The following SP140 variants were observed in gnomAD, a reference collection of about 807,000 sequenced individuals.
SP140 encodes the protein SP140 nuclear body protein.
SP140 carries 81 observed loss-of-function variants against 125.0 expected under a neutral mutation model. The ratio of observed to expected loss-of-function variants is 0.65; its 90% CI spans 0.54 to 0.78. The LOEUF is 0.78. Ranked by LOEUF, SP140 falls within the 30% of genes least tolerant of loss-of-function variation. The pLI is 0.00. For missense variants in SP140, 858 were observed against 1,037.0 expected, an observed-to-expected ratio of 0.83 and a Z score of 2.37; for synonymous variants, 312 against 354.0, an observed-to-expected ratio of 0.88 and a Z score of 1.33.
At chr2:230,270,002 C>T (rs377296417) in intron 14 of SP140, 49 bp downstream of exon 14, 4 of 1,207,468 alleles carry the variant, frequency 3.3e-6, no homozygotes, top group Non-Finnish European at 3.7e-6. Context: ...GTGGGCCCCA[C>T]AGACCCCCAG....
intron 12 of SP140, among the ~76,000 whole-genome samples, chr2:230,261,294 A>C (rs981368593): frequency 6.6e-6 from 1 of 152,176 alleles, no homozygotes; most frequent in Non-Finnish European, 1.5e-5. Flanking sequence ...ATTTGTGTAC[A>C]TTAATCGTGT....
chr2:230,234,637 C>T (rs1360378477), intron 1 of SP140, among the ~76,000 whole-genome samples: 1 of 152,146 alleles, frequency 6.6e-6, no homozygotes, highest in Non-Finnish European at 1.5e-5. Context: ...TTTAGGGTTT[C>T]AAATTCACTT....
intron 12 of SP140, among the ~76,000 whole-genome samples, chr2:230,256,178 TA>T (rs1302156768): frequency 6.6e-6 from 1 of 152,160 alleles, no homozygotes; most frequent in East Asian, 1.9e-4. Context: ...ACTGGGTATA[TA>T]CCCAAAGGAT....
intron 1 of SP140, chr2:230,212,446 A>G: frequency 6.4e-7 from 1 of 1,565,586 alleles, no homozygotes; most frequent in Non-Finnish European, 8.8e-7. Flanking sequence ...GGAGGAAAGG[A>G]AATTATTACA....
intron 15 of SP140, among the ~76,000 whole-genome samples, chr2:230,271,665 A>G (rs1019858472): frequency 6.6e-6 from 1 of 152,170 alleles, no homozygotes; most frequent in Admixed American, 6.5e-5. Flanking sequence ...TCTTTTGCTA[A>G]TTATAGTAAA....
rs142828761 is a variant in SP140, at chr2:230,256,786, G to T, written c.1240+1254G>T. On this transcript the variant is annotated intron_variant, in intron 12 of 26. Transcript: ENST00000392045. Reference sequence around the variant, plus strand: ...AACTTGACAAAGCCTTCAGTGTAATGGTATTCTACCATCTAATTGGCAGAA... The same window carrying T: ...AACTTGACAAAGCCTTCAGTGTAATTGTATTCTACCATCTAATTGGCAGAA... Among the ~76,000 whole-genome samples, 155 of 152,206 alleles carry T rather than the reference G, an allele frequency of 1.0e-3. No individual in the cohort carries two copies. In the Middle Eastern group the frequency reaches 0.01, roughly 10 times the overall value.
In SP140 at chr2:230,310,030, A is replaced by T; in HGVS notation, c.2165A>T (p.Glu722Val). 1 of 1,614,120 alleles carries T rather than the reference A, an allele frequency of 6.2e-7. No individual in the cohort carries two copies. Among genetic ancestry groups the T allele is most frequent in the African/African-American group, 1.3e-5 (1 of 75,032 alleles). Residue 722 changes from glutamate (E) to valine (V), a missense_variant, in exon 23 of 27, where the codon GAA (glutamate) becomes GTA (valine). Glu to Val is a moderately radical substitution (Grantham distance 121, BLOSUM62 -2). This residue lies in a region of SP140 where 791 missense variants were observed against 869.5 expected (regional missense o/e 0.91). Coordinates refer to ENST00000392045, the MANE Select transcript of SP140 (RefSeq NM_007237.5). ...GAGGACTGTCACATCCCGCCTGTGG[A>T]AGCTGAGAGGTAAGTGACATGCAGG... ...FHEDCHIPPVEAERTPWNCIF... is the reference protein window; with the variant it reads ...FHEDCHIPPVVAERTPWNCIF...
At chr2:230,287,782 A>C (rs2056578412) in intron 17 of SP140, 110 bp from the exon 18 acceptor site, 9 of 900,960 alleles carry the variant, frequency 1.0e-5, no homozygotes. Flanking sequence ...TTATTTATAC[A>C]TTAAACAGGC....
chr2:230,190,894 C>T, the SP140 span, among the ~76,000 whole-genome samples: 1 of 152,160 alleles, frequency 6.6e-6, no homozygotes, highest in East Asian at 1.9e-4. Context: ...TCTGAGGTCT[C>T]TGTTCTGCTC....
At chr2:230,300,836 C>T (rs146534879) in intron 22 of SP140, among the ~76,000 whole-genome samples, 2 of 152,088 alleles carry the variant, frequency 1.3e-5, no homozygotes, top group African/African-American at 4.8e-5. Flanking sequence ...TTCAGAAGGT[C>T]AATTATTCAG....
intron 9 of SP140, among the ~76,000 whole-genome samples, chr2:230,250,443 T>C (rs1271637370): frequency 1.3e-5 from 2 of 152,160 alleles, no homozygotes; most frequent in African/African-American, 4.8e-5. Flanking sequence ...TTGAGCCACA[T>C]TTCCCCTGTA....
chr2:230,315,312 C>G (rs546087719), downstream of SP140, among the ~76,000 whole-genome samples: 30 of 152,224 alleles, frequency 2.0e-4, 1 homozygote, highest in South Asian at 6.2e-3. Context: ...CGGGAGGGCT[C>G]TATGGCCATT....
intron 12 of SP140, among the ~76,000 whole-genome samples, chr2:230,258,487 C>T (rs1040021923): frequency 3.9e-5 from 6 of 152,318 alleles, no homozygotes; most frequent in South Asian, 2.1e-4. Flanking sequence ...GTGGCTGCAG[C>T]GTTTATCCCA....
intron 1 of SP140, among the ~76,000 whole-genome samples, chr2:230,236,481 G>C (rs559826386): frequency 1.1e-4 from 17 of 152,312 alleles, no homozygotes; most frequent in African/African-American, 3.8e-4. Context: ...AATTATGAAG[G>C]CTGGCAAGTC....
intron 17 of SP140, among the ~76,000 whole-genome samples, chr2:230,286,948 C>A (rs971445029): frequency 6.6e-6 from 1 of 152,138 alleles, no homozygotes; most frequent in Non-Finnish European, 1.5e-5. Context: ...GCCTACATGA[C>A]CCTGATCAGC....
At chr2:230,272,978 A>G (rs180855402) in intron 15 of SP140, among the ~76,000 whole-genome samples, 1 of 152,330 alleles carries the variant, frequency 6.6e-6, no homozygotes, top group Non-Finnish European at 1.5e-5. Context: ...TAAAACCCAA[A>G]ACTATAAAAA....
At chr2:230,262,913 T>C (rs2052508221) in intron 12 of SP140, among the ~76,000 whole-genome samples, 1 of 152,182 alleles carries the variant, frequency 6.6e-6, no homozygotes, top group Admixed American at 6.5e-5. Flanking sequence ...CATGCACTGT[T>C]AAATAGAATG....
Position 230,311,069 on chromosome 2 carries a change from A to C in SP140, c.2284-85A>C, listed in dbSNP as rs192345800. ...ACATGTTAGAGAAACTTGAGGAAGA[A>C]GGGTGTGAGTTCTGTGCTGTGTCTC... On this transcript the variant is annotated intron_variant, in intron 24 of 26. Transcript: ENST00000392045. The C allele has an allele frequency of 2.0e-5, 32 of 1,602,062 alleles. No individual in the cohort carries two copies. The Admixed American group carries it at 2.8e-4, about 14-fold the overall frequency.
intron 1 of SP140, among the ~76,000 whole-genome samples, chr2:230,204,911 G>A (rs987950079): frequency 3.4e-4 from 52 of 152,156 alleles, no homozygotes; most frequent in African/African-American, 1.2e-3. Flanking sequence ...TCAAAGGGGA[G>A]AGAAATGAAA....
Sources: gnomAD v4.1 joint callset for allele counts (sites outside exome capture counted in the v4.1 genomes callset) on GRCh38, gnomAD v4.1.1 for gene constraint, gnomAD v4.1.1 regional missense constraint, MANE v1.5 for transcripts, NCBI Gene and HGNC (gene_info 2026-07-23, HGNC 2026-07-21) for gene names.